DIAPH3: variants seen among roughly 807,000 people sequenced by gnomAD.
DIAPH3 encodes the protein diaphanous related formin 3, also known as protein diaphanous homolog 3.
A neutral mutation model predicts 144.3 loss-of-function variants in DIAPH3; 117 were observed. The observed-to-expected ratio is 0.81, with a 90% CI of 0.70 to 0.95. The LOEUF (loss-of-function observed/expected upper bound fraction) is 0.95. Among genes scored for constraint, DIAPH3 ranks in the 40% least tolerant of loss-of-function variants. The pLI, the probability that DIAPH3 is intolerant of heterozygous loss-of-function variation, is 0.00. For missense variants in DIAPH3, 1,421 were observed against 1,412.7 expected (o/e 1.01, Z -0.09); for synonymous variants, 519 against 488.9 (o/e 1.06, Z -0.81).
At chr13:60,093,545 T>A in intron 4 of DIAPH3, 83 bp downstream of exon 4, 1 of 910,918 alleles carries the variant, frequency 1.1e-6, no homozygotes, top group Non-Finnish European at 1.8e-6. Flanking sequence ...GCCCACAAAC[T>A]TAAGTACTTC....
chr13:59,888,646 A>T (rs933278061), intron 20 of DIAPH3, among the ~76,000 whole-genome samples: 1 of 152,124 alleles, frequency 6.6e-6, no homozygotes, highest in African/African-American at 2.4e-5. Flanking sequence ...AAAAAATCAT[A>T]AGAAAAAAGG....
At chr13:59,829,781 T>A (rs2041675986) in intron 24 of DIAPH3, among the ~76,000 whole-genome samples, 1 of 151,852 alleles carries the variant, frequency 6.6e-6, no homozygotes, top group Admixed American at 6.6e-5. Flanking sequence ...ATGGAGAAAG[T>A]GCTCCAAACA....
intron 5 of DIAPH3, among the ~76,000 whole-genome samples, chr13:60,016,648 T>TA (rs1351264417): frequency 3.3e-5 from 5 of 151,922 alleles, no homozygotes; most frequent in South Asian, 2.1e-4. Context: ...AAAAATTAAT[T>TA]AAAAAAAAGA....
rs772152743 is a variant in DIAPH3 at position 59,971,077 on chromosome 13, C to T, written c.1734G>A (p.Pro578=). ...CCCCTCCACCAGAAGGCAGTGGAGG[C>T]GGAGGAGGAAGTGCTGAGTGGCCAG... is the stretch of plus-strand genomic sequence containing the variant. The part of the protein sequence containing the change: ...GGTGHSALPP[P]PPLPSGGGVP... The change falls in exon 16 of 28, where the codon CCG becomes CCA. Residue 578 remains proline (P), a synonymous_variant. Transcript: ENST00000400324. The T allele has an allele frequency of 3.2e-5, 52 of 1,612,784 alleles. No individual in the cohort carries two copies. In the Admixed American group the frequency reaches 4.0e-4, roughly 12 times the overall value.
rs534029780 is a variant in DIAPH3, at chr13:59,848,025, C to G, written c.2738-8577G>C. Among the ~76,000 whole-genome samples, 8 of 152,318 alleles carry G rather than the reference C, an allele frequency of 5.3e-5. No individual in the cohort carries two copies. The South Asian group carries it at 1.7e-3, about 32-fold the overall frequency. ...TCTCTTTCATGCCGCACACATCTAACCATAGAGCGCATCTTGCTGGTTCTA... is the reference window on the plus strand; with the variant it reads ...TCTCTTTCATGCCGCACACATCTAAGCATAGAGCGCATCTTGCTGGTTCTA... On this transcript the variant is annotated intron_variant, in intron 22 of 27. Coordinates refer to ENST00000400324, the MANE Select transcript of DIAPH3 (RefSeq NM_001042517.2).
chr13:60,075,331 T>A (rs1163537330), intron 4 of DIAPH3, among the ~76,000 whole-genome samples: 1 of 152,226 alleles, frequency 6.6e-6, no homozygotes, highest in African/African-American at 2.4e-5. Flanking sequence ...TATTGATACA[T>A]AGCAAACGTT....
rs377488062 is a variant in DIAPH3, at chr13:60,029,154, G to A, written c.627-13009C>T. On this transcript the variant is annotated intron_variant, in intron 5 of 27. Transcript: ENST00000400324. Reference sequence around the variant, plus strand: ...TAACAGCACTACTATCTGCCTATTTGCTCAAGTAAAAAAAAAAACTGTTAT... The same window carrying A: ...TAACAGCACTACTATCTGCCTATTTACTCAAGTAAAAAAAAAAACTGTTAT... Among the ~76,000 whole-genome samples, 566 of 69,948 alleles carry A rather than the reference G, an allele frequency of 8.1e-3. 3 individuals carry two copies. The highest frequency in any genetic ancestry group is 0.027 in the African/African-American group (500 of 18,502). The allele number at this position is 69,948 out of a possible 152,430, so 45.9% of individuals were successfully genotyped here. A position where few individuals can be genotyped will look rare whatever the true frequency, so the allele number is the denominator to read the frequency against.
At chr13:59,967,950 G>C (rs2050151316) in intron 17 of DIAPH3, among the ~76,000 whole-genome samples, 1 of 152,152 alleles carries the variant, frequency 6.6e-6, no homozygotes. Flanking sequence ...GAGACAGAAG[G>C]TATCATAGTC....
At chr13:59,795,589 G>T (rs1044895334) in intron 25 of DIAPH3, among the ~76,000 whole-genome samples, 2 of 151,916 alleles carry the variant, frequency 1.3e-5, no homozygotes, top group Non-Finnish European at 2.9e-5. Context: ...GAGTAGCTGG[G>T]ACTACAGGTG....
chr13:59,765,717 T>A (rs909619667), intron 27 of DIAPH3, among the ~76,000 whole-genome samples: 41 of 152,274 alleles, frequency 2.7e-4, no homozygotes, highest in African/African-American at 7.5e-4. Flanking sequence ...TATTTTTTTT[T>A]AAATACCTAC....
At chr13:59,816,731 A>T (rs2040791051) in intron 24 of DIAPH3, among the ~76,000 whole-genome samples, 1 of 151,846 alleles carries the variant, frequency 6.6e-6, no homozygotes, top group Non-Finnish European at 1.5e-5. Flanking sequence ...TACATAATAC[A>T]TGTACATATT....
chr13:59,750,433 A>G, intron 27 of DIAPH3, among the ~76,000 whole-genome samples: 1 of 152,200 alleles, frequency 6.6e-6, no homozygotes, highest in East Asian at 1.9e-4. Flanking sequence ...TTTTACAAGA[A>G]TTACTACTTT....
At chr13:60,062,330 T>C (rs1402963539) in intron 4 of DIAPH3, among the ~76,000 whole-genome samples, 1 of 152,188 alleles carries the variant, frequency 6.6e-6, no homozygotes, top group Admixed American at 6.5e-5. Context: ...AAGCAGTGTT[T>C]TACATGTTAA....
chr13:59,892,288 A>G (rs186189706), intron 20 of DIAPH3, among the ~76,000 whole-genome samples: 3 of 151,944 alleles, frequency 2.0e-5, no homozygotes, highest in East Asian at 3.9e-4. Flanking sequence ...AATGAGAACA[A>G]GAAAATGTAT....
intron 17 of DIAPH3, among the ~76,000 whole-genome samples, chr13:59,956,140 T>C (rs879500222): frequency 6.6e-6 from 1 of 152,226 alleles, no homozygotes; most frequent in African/African-American, 2.4e-5. Context: ...AAAAGAAAAC[T>C]CATTTTCTGA....
chr13:59,752,757 C>T (rs2037075729), intron 27 of DIAPH3, among the ~76,000 whole-genome samples: 1 of 152,092 alleles, frequency 6.6e-6, no homozygotes, highest in Non-Finnish European at 1.5e-5. Context: ...AAACTCTTAG[C>T]ATGTAAGAAT....
rs370360212 is a variant in DIAPH3 at position 60,020,070 on chromosome 13, T to C, written c.627-3925A>G. Among the ~76,000 whole-genome samples the C allele has an allele frequency of 7.3e-4, 111 of 152,322 alleles. 2 individuals carry two copies. The South Asian group carries it at 0.022, about 30-fold the overall frequency. ...CATAAGAGCAATCTTACCTGATGCA[T>C]ACTCCTTGAGTATAGGGACCGTTTC... is the stretch of plus-strand genomic sequence containing the variant. On this transcript the variant is annotated intron_variant, in intron 5 of 27. Transcript: ENST00000400324.
rs547795921 is a variant in DIAPH3, at chr13:59,736,561, G to C, written c.3319+37628C>G. On this transcript the variant is annotated intron_variant, in intron 27 of 27. Transcript: ENST00000400324. Reference sequence around the variant, plus strand: ...CTGCATGTATGTCTTCTTTTGAGAAGTGTCATTAAAATGGCCATATTACCC... The same window carrying C: ...CTGCATGTATGTCTTCTTTTGAGAACTGTCATTAAAATGGCCATATTACCC... 2.0e-5 allele frequency among the ~76,000 whole-genome samples: 3 copies of C among 152,240 alleles called. No individual in the cohort carries two copies. In the South Asian group the frequency reaches 6.2e-4, roughly 32 times the overall value.
At chr13:59,816,535 C>T (rs1457622125) in intron 24 of DIAPH3, among the ~76,000 whole-genome samples, 8 of 151,298 alleles carry the variant, frequency 5.3e-5, no homozygotes, top group Non-Finnish European at 1.0e-4. Flanking sequence ...CTTGATTAAT[C>T]TTTTTAGCAA....
Sources: allele counts gnomAD v4.1 joint callset (sites outside exome capture counted in the v4.1 genomes callset), GRCh38; gene constraint gnomAD v4.1.1; transcripts MANE v1.5; gene names NCBI Gene and HGNC (gene_info 2026-07-23, HGNC 2026-07-21).